PITPNM1: variants seen among roughly 807,000 people sequenced by gnomAD.
The protein encoded by PITPNM1 is phosphatidylinositol transfer protein membrane associated 1.
A neutral mutation model predicts 133.3 loss-of-function variants in PITPNM1; 74 were observed. That is an observed-to-expected ratio of 0.56 (90% confidence interval 0.46 to 0.67). PITPNM1 has a LOEUF of 0.67. PITPNM1 is among the 30% of genes least tolerant of loss of function. The probability of loss-of-function intolerance (pLI) is 0.00; values close to 1 mark genes in which losing one functional copy is unlikely to be tolerated. For synonymous variants in PITPNM1, 738 were observed against 741.4 expected (o/e 1.00, Z 0.08); for missense variants, 1,398 against 1,739.5 (o/e 0.80, Z 3.49).
chr11:67,492,583 C>A (rs191850775), intron 23 of PITPNM1, among the ~76,000 whole-genome samples: 1 of 152,278 alleles, frequency 6.6e-6, no homozygotes, highest in African/African-American at 2.4e-5. Flanking sequence ...GCTTTGTGCC[C>A]AGCCCTGTGC....
In PITPNM1 at chr11:67,494,827, C is replaced by A. The variant is rs372973111; in HGVS notation, c.2742+19G>T. ...GAGAGTGGGCGAGTGGGCGAGGGGG[C>A]GAGGGGCAGGGCACCTACCCGGATC... On this transcript the variant is annotated intron_variant, in intron 18 of 23. Transcript: ENST00000356404. The A allele has an allele frequency of 2.2e-4, 343 of 1,538,876 alleles. 1 individual carries two copies. The highest frequency in any genetic ancestry group is 3.0e-4 in the Non-Finnish European group (332 of 1,121,136).
intron 23 of PITPNM1, 70 bp from the exon 24 acceptor site, chr11:67,492,366 C>G: frequency 7.0e-7 from 1 of 1,428,638 alleles, no homozygotes; most frequent in Non-Finnish European, 9.3e-7. Flanking sequence ...CCACGGTCCT[C>G]CAGAGGCACC....
intron 16 of PITPNM1, 60 bp from the exon 17 acceptor site, chr11:67,495,285 G>T (rs1834326672): frequency 1.3e-6 from 2 of 1,515,620 alleles, no homozygotes; most frequent in Non-Finnish European, 1.8e-6. Flanking sequence ...CTGCCTGGGC[G>T]CTGGGTGCTC....
intron 16 of PITPNM1, 76 bp from the exon 17 acceptor site, chr11:67,495,301 TC>T (rs1396148362): frequency 6.7e-7 from 1 of 1,484,950 alleles, no homozygotes; most frequent in Admixed American, 2.3e-5. Flanking sequence ...TGCTCTTCCC[TC>T]CCCCCTTTTC....
intron 5 of PITPNM1, 45 bp from the exon 6 acceptor site, chr11:67,500,466 C>T: frequency 6.4e-7 from 1 of 1,554,738 alleles, no homozygotes. Flanking sequence ...CCCTGCTTCC[C>T]TGCCACCGCA....
intron 22 of PITPNM1, 56 bp from the exon 23 acceptor site, chr11:67,493,118 C>T: frequency 6.2e-7 from 1 of 1,602,852 alleles, no homozygotes; most frequent in Non-Finnish European, 8.5e-7. Context: ...CAGCTGGGGG[C>T]GGGGCCTGTT....
In PITPNM1 at chr11:67,504,054, C is replaced by G; in HGVS notation, c.78+49G>C. On this transcript the variant is annotated intron_variant, in intron 2 of 23. Transcript: ENST00000356404. The surrounding 1 kb of genome is among the most constrained non-coding windows in gnomAD (Gnocchi z 5.4). Reference sequence around the variant, plus strand: ...AGCCCCGGGGCAGGGCTGGCGGGGTCGGCAGGGCTCCACCCCTTGCCCGGG... The same window carrying G: ...AGCCCCGGGGCAGGGCTGGCGGGGTGGGCAGGGCTCCACCCCTTGCCCGGG... 4 of 1,443,528 alleles carry G rather than the reference C, an allele frequency of 2.8e-6. No individual in the cohort carries two copies. The highest frequency in any genetic ancestry group is 3.8e-6 in the Non-Finnish European group (4 of 1,062,656). The allele number at this position is 1,443,528 out of a possible 1,614,324, so 89.4% of individuals were successfully genotyped here.
At chr11:67,503,678 C>G (rs530614717) in intron 2 of PITPNM1, among the ~76,000 whole-genome samples, 171 of 152,340 alleles carry the variant, frequency 1.1e-3, no homozygotes, top group Non-Finnish European at 2.2e-3. Context: ...ACCAGAGCCT[C>G]CTCGCCCTCC....
chr11:67,502,619 G>C lies in PITPNM1; in HGVS notation c.178C>G (p.His60Asp). 1 of 1,613,564 alleles carries C rather than the reference G, an allele frequency of 6.2e-7. No homozygotes were observed. ...DGPGGSGQYTHKVYHVGSHIP... is the reference protein window; with the variant it reads ...DGPGGSGQYTDKVYHVGSHIP... The stretch of plus-strand genomic sequence containing the variant: ...TGGGAGCCCACGTGGTACACCTTGT[G>C]TGTGTATTGCCCGCTGCCCCCGGGC... The change falls in exon 3 of 24, where the codon CAC becomes GAC. Residue 60 changes from histidine to aspartate, a missense_variant. His to Asp is a moderately conservative substitution (Grantham distance 81). This residue lies in a region of PITPNM1 where 274 missense variants were observed against 360.7 expected (regional missense o/e 0.76). Transcript: ENST00000356404. This position sits in a 1 kb window ranked among gnomAD's most constrained non-coding sequence, Gnocchi z 5.9.
chr11:67,502,802 G>A lies in PITPNM1; in HGVS notation c.79-84C>T. 7.3e-7 allele frequency: 1 copy of A among 1,365,486 alleles called. No individual in the cohort carries two copies. The allele number at this position is 1,365,486 out of a possible 1,614,324, so 84.6% of individuals were successfully genotyped here. ...CCAGCTCAGCCTGGTGTTCTACACA[G>A]CTCTGGGGCCCTGGTCCCAGCCTTT... On this transcript the variant is annotated intron_variant, in intron 2 of 23. Transcript: ENST00000356404. The surrounding 1 kb of genome is among the most constrained non-coding windows in gnomAD (Gnocchi z 5.9).
At position 67,502,222 on chromosome 11, in the gene PITPNM1, G is replaced by A; in HGVS notation, c.415+70C>T. On this transcript the variant is annotated intron_variant, in intron 4 of 23. Transcript: ENST00000356404. The surrounding 1 kb of genome is among the most constrained non-coding windows in gnomAD (Gnocchi z 5.9). ...GCCTGGAGAGGGCTGGGACTTCTCAGAGGCTGCCCACTGAGGCAGCCAGGA... is the reference window on the plus strand; with the variant it reads ...GCCTGGAGAGGGCTGGGACTTCTCAAAGGCTGCCCACTGAGGCAGCCAGGA... The A allele has an allele frequency of 6.3e-7, 1 of 1,578,968 alleles. No individual in the cohort carries two copies. The highest frequency in any genetic ancestry group is 1.7e-5 in the Admixed American group (1 of 57,238).
chr11:67,493,578 G>A lies in PITPNM1; in HGVS notation c.3174C>T (p.Ser1058=), dbSNP rs1866006483. ...CTGTGACATACACGATCAGGTAGCC[G>A]GAGTCCTGCCAGTGCCTGTGGGGCG... The part of the protein sequence containing the change: ...AVDVVRHWQD[S]GYLIVYVTGR... Residue 1058 remains serine, a synonymous_variant, in exon 22 of 24, where the codon TCC becomes TCT. Coordinates refer to ENST00000356404, the MANE Select transcript of PITPNM1 (RefSeq NM_004910.3). 1.3e-6 allele frequency: 2 copies of A among 1,551,346 alleles called. No individual in the cohort carries two copies. Among genetic ancestry groups the A allele is most frequent in the Non-Finnish European group, 1.7e-6 (2 of 1,146,488 alleles).
At chr11:67,499,882 T>C in intron 7 of PITPNM1, 32 bp downstream of exon 7, 1 of 1,600,994 alleles carries the variant, frequency 6.2e-7, no homozygotes, top group African/African-American at 1.3e-5. Context: ...CTCGGGGACA[T>C]CCCCACTCCC....
chr11:67,495,431 G>A lies in PITPNM1; in HGVS notation c.2482+7C>T. 1 of 1,498,138 alleles carries A rather than the reference G, an allele frequency of 6.7e-7. No homozygotes were observed. Among genetic ancestry groups the A allele is most frequent in the Middle Eastern group, 1.8e-4 (1 of 5,470 alleles). 92.8% of individuals were successfully genotyped at this position (1,498,138 alleles called of 1,614,324 possible). On this transcript the variant is annotated splice_region_variant and intron_variant, in intron 16 of 23. Coordinates refer to ENST00000356404, the MANE Select transcript of PITPNM1 (RefSeq NM_004910.3). ...CCAGGCTGGACTGCCTAGGCTGGCT[G>A]ACTTACTCTTAACCACCTCACTGGT...
In PITPNM1 at chr11:67,498,408, G is replaced by GT. The variant is rs1866203440; in HGVS notation, c.1485-87_1485-86insA. On this transcript the variant is annotated intron_variant, in intron 10 of 23. Transcript: ENST00000356404. The surrounding 1 kb of genome is among the most constrained non-coding windows in gnomAD (Gnocchi z 5.7). Reference sequence around the variant, plus strand: ...TCCCCTGGGCCTGCTGGCAGGCCCTGGCTCTGTGGGTCCTCTGTGGGGAGC... The same window carrying GT: ...TCCCCTGGGCCTGCTGGCAGGCCCTGTGCTCTGTGGGTCCTCTGTGGGGAGC... The GT allele has an allele frequency of 2.1e-6, 3 of 1,404,140 alleles. No homozygotes were observed. The East Asian group carries it at 7.2e-5, about 34-fold the overall frequency. 87.0% of individuals were successfully genotyped at this position (1,404,140 alleles called of 1,614,324 possible).
chr11:67,492,421 C>T, intron 23 of PITPNM1, 125 bp from the exon 24 acceptor site: 5 of 987,854 alleles, frequency 5.1e-6, no homozygotes, highest in South Asian at 3.5e-5. Context: ...ACAGCCTGAG[C>T]TGAAGCCTTC....
Position 67,498,912 on chromosome 11 carries a change from T to C in PITPNM1, c.1233+28A>G. 1 of 1,611,806 alleles carries C rather than the reference T, an allele frequency of 6.2e-7. No individual in the cohort carries two copies. The highest frequency in any genetic ancestry group is 1.1e-5 in the South Asian group (1 of 90,988). On this transcript the variant is annotated intron_variant, in intron 9 of 23. Transcript: ENST00000356404. This position sits in a 1 kb window ranked among gnomAD's most constrained non-coding sequence, Gnocchi z 5.7. ...GCCGGGCCAGTGAGTAGGGGGAGCT[T>C]TGACATGGGGTGGCTGACCATACTC...
chr11:67,493,778 A>G lies in PITPNM1; in HGVS notation c.3068T>C (p.Val1023Ala). The change falls in exon 21 of 24, where the codon GTG (valine) becomes GCG (alanine). Residue 1023 changes from valine (V) to alanine (A), a missense_variant. Coordinates refer to ENST00000356404, the MANE Select transcript of PITPNM1 (RefSeq NM_004910.3). ...LTVVARGTEA[V>A]VFSIDGSFTA... The stretch of plus-strand genomic sequence containing the variant: ...GAAGGAGCCGTCGATGCTGAAGACC[A>G]CAGCCTCCGTGCCGCGGGCCACCAC... 6.5e-7 allele frequency: 1 copy of G among 1,549,974 alleles called. No homozygotes were observed.
Position 67,497,383 on chromosome 11 carries a change from G to A in PITPNM1, c.1994C>T (p.Thr665Met), listed in dbSNP as rs781321257. 12 of 1,594,696 alleles carry A rather than the reference G, an allele frequency of 7.5e-6. No homozygotes were observed. In the East Asian group the frequency reaches 1.8e-4, roughly 24 times the overall value. The change falls in exon 14 of 24, where the codon ACG becomes ATG. Residue 665 changes from threonine to methionine, a missense_variant. Transcript: ENST00000356404. ...ACTGGCAGCGGGTGGGCAGAAGGCC[G>A]TGCTTGCCCGCCGGGGCTCCCAGGA... ...TSSWEPRRASTAFCPPAASSE... is the reference protein window; with the variant it reads ...TSSWEPRRASMAFCPPAASSE...
Sources: allele counts gnomAD v4.1 joint callset (sites outside exome capture counted in the v4.1 genomes callset), GRCh38; gene constraint gnomAD v4.1.1; regional missense constraint gnomAD v4.1.1; non-coding constraint Gnocchi (gnomAD v3.1); transcripts MANE v1.5; gene names NCBI Gene and HGNC (gene_info 2026-07-23, HGNC 2026-07-21).